Variants in ASXL2 observed in about 807,000 individuals in gnomAD.
The protein encoded by ASXL2 is putative Polycomb group protein ASXL2.
ASXL2 carries 23 observed loss-of-function variants against 122.0 expected under a neutral mutation model. The ratio of observed to expected loss-of-function variants is 0.19; its 90% CI spans 0.14 to 0.27. ASXL2 has a LOEUF of 0.27. Among genes scored for constraint, ASXL2 ranks in the 10% least tolerant of loss-of-function variants. The pLI, the probability that ASXL2 is intolerant of heterozygous loss-of-function variation, is 1.00. For missense variants in ASXL2, 1,518 were observed against 1,713.8 expected (o/e 0.89, Z 2.02); for synonymous variants, 650 against 637.0 (o/e 1.02, Z -0.31).
At chr2:25,777,262 G>GTT (rs964416499) in intron 5 of ASXL2, among the ~76,000 whole-genome samples, 4 of 149,602 alleles carry the variant, frequency 2.7e-5, no homozygotes, top group South Asian at 2.1e-4. Flanking sequence ...TAATTTTTAA[G>GTT]TTTTTTTTTT....
At chr2:25,857,095 G>GT (rs2089789596) in intron 1 of ASXL2, 1 of 114,540 alleles carries the variant, frequency 8.7e-6, no homozygotes, top group African/African-American at 3.3e-5. Flanking sequence ...GGGGGCGGGG[G>GT]GGGGGAGATG....
In ASXL2 at chr2:25,752,210, T is replaced by C. The variant is rs569729609; in HGVS notation, c.1142+1324A>G. Among the ~76,000 whole-genome samples, 13 of 152,254 alleles carry C rather than the reference T, an allele frequency of 8.5e-5. No individual in the cohort carries two copies. The East Asian group carries it at 2.3e-3, about 27-fold the overall frequency. Reference sequence around the variant, plus strand: ...TTACGGGTCTTCTTAAGGGCTGCCATTGGTGTGCAGAAGGAAGGAAGGGAG... The same window carrying C: ...TTACGGGTCTTCTTAAGGGCTGCCACTGGTGTGCAGAAGGAAGGAAGGGAG... On this transcript the variant is annotated intron_variant, in intron 11 of 12. Transcript: ENST00000435504.
intron 3 of ASXL2, among the ~76,000 whole-genome samples, chr2:25,816,628 A>C (rs911909213): frequency 3.9e-5 from 6 of 152,236 alleles, no homozygotes. Context: ...ATGAGGAAGA[A>C]AAAAAGTATT....
chr2:25,789,708 C>T (rs2088803418), intron 5 of ASXL2, among the ~76,000 whole-genome samples: 1 of 152,278 alleles, frequency 6.6e-6, no homozygotes, highest in South Asian at 2.1e-4. Context: ...TTTGAACTTT[C>T]TGAATTTGGG....
At chr2:25,843,046 A>G (rs2089606070) in intron 2 of ASXL2, among the ~76,000 whole-genome samples, 1 of 150,680 alleles carries the variant, frequency 6.6e-6, no homozygotes, top group Non-Finnish European at 1.5e-5. Flanking sequence ...CACGCCTGTA[A>G]TCCCAGCACT....
chr2:25,762,933 T>C (rs1044089932), intron 8 of ASXL2, among the ~76,000 whole-genome samples: 2 of 152,126 alleles, frequency 1.3e-5, no homozygotes, highest in African/African-American at 4.8e-5. Context: ...AGGGGAGCTG[T>C]TATACATTTA....
At chr2:25,776,572 C>T (rs1357707150) in intron 5 of ASXL2, among the ~76,000 whole-genome samples, 1 of 152,102 alleles carries the variant, frequency 6.6e-6, no homozygotes, top group Non-Finnish European at 1.5e-5. Context: ...TGAGGAATTG[C>T]CAAGCTGTTT....
intron 1 of ASXL2, among the ~76,000 whole-genome samples, chr2:25,864,854 G>T (rs1450463030): frequency 6.7e-6 from 1 of 148,772 alleles, no homozygotes; most frequent in East Asian, 2.0e-4. Flanking sequence ...TTTTTGAGAC[G>T]GAGTTTCGCT....
At chr2:25,763,489 TA>T (rs111512688) in intron 8 of ASXL2, among the ~76,000 whole-genome samples, 342 of 138,266 alleles carry the variant, frequency 2.5e-3, no homozygotes, top group Admixed American at 2.7e-3. Flanking sequence ...GACTCCATGT[TA>T]AAAAAAAAAA....
At chr2:25,782,357 CA>C (rs1350623788) in intron 5 of ASXL2, among the ~76,000 whole-genome samples, 1 of 151,760 alleles carries the variant, frequency 6.6e-6, no homozygotes, top group Non-Finnish European at 1.5e-5. Flanking sequence ...CCAGCCAGGC[CA>C]ACATGGTGAA....
intron 1 of ASXL2, among the ~76,000 whole-genome samples, chr2:25,855,021 C>G (rs2089760268): frequency 6.6e-6 from 1 of 152,204 alleles, no homozygotes; most frequent in Non-Finnish European, 1.5e-5. Context: ...TCAGCTCTGG[C>G]AGACAGTGCC....
In ASXL2 at chr2:25,750,257, T is replaced by G. The variant is rs1254323009; in HGVS notation, c.1299A>C (p.Glu433Asp). The change falls in exon 12 of 13, where the codon GAA becomes GAC. Residue 433 changes from glutamate to aspartate, a missense_variant. Physicochemically the swap from Glu to Asp is conservative, Grantham distance 45. Around this residue, in one of 8 missense-constraint regions of ASXL2, gnomAD observed 292 missense variants for 293.5 expected, o/e 1.00. Transcript: ENST00000435504. ...VPVVSQSECK[E>D]EALQMSSPGR... ...CTGGTGATGACATTTGCAATGCTTC[T>G]TCTTTACACTCTGACTGGGAGACTA... 1 of 1,614,046 alleles carries G rather than the reference T, an allele frequency of 6.2e-7. No homozygotes were observed. The highest frequency in any genetic ancestry group is 2.2e-5 in the East Asian group (1 of 44,892).
At chr2:25,840,421 G>A (rs1256185204) in intron 2 of ASXL2, among the ~76,000 whole-genome samples, 1 of 152,126 alleles carries the variant, frequency 6.6e-6, no homozygotes, top group African/African-American at 2.4e-5. Flanking sequence ...TTAATCAGTG[G>A]CATTAAGTAC....
chr2:25,856,317 A>G (rs564513650), intron 1 of ASXL2: 7 of 435,012 alleles, frequency 1.6e-5, no homozygotes, highest in Non-Finnish European at 3.0e-5. Flanking sequence ...TCAGCCTCCC[A>G]AAGTGCTGGG....
At chr2:25,772,458 T>G (rs1208005251) in intron 5 of ASXL2, among the ~76,000 whole-genome samples, 3 of 152,074 alleles carry the variant, frequency 2.0e-5, no homozygotes, top group Non-Finnish European at 4.4e-5. Flanking sequence ...CAAGACCGTG[T>G]GCGGTGGCTC....
At chr2:25,841,510 T>C (rs2089578091) in intron 2 of ASXL2, among the ~76,000 whole-genome samples, 1 of 152,112 alleles carries the variant, frequency 6.6e-6, no homozygotes, top group African/African-American at 2.4e-5. Flanking sequence ...TATGTTTTTT[T>C]ACCACCACAA....
intron 1 of ASXL2, among the ~76,000 whole-genome samples, chr2:25,855,927 T>C (rs2089772097): frequency 7.4e-6 from 1 of 135,664 alleles, no homozygotes; most frequent in Non-Finnish European, 1.6e-5. Context: ...AGAGTCTCGC[T>C]CTGTCGGCCA....
At chr2:25,760,543 A>G (rs1303285236) in intron 8 of ASXL2, among the ~76,000 whole-genome samples, 2 of 152,212 alleles carry the variant, frequency 1.3e-5, no homozygotes, top group Non-Finnish European at 2.9e-5. Context: ...ATCTAACAAT[A>G]TCTAGCAAAA....
At chr2:25,784,214 T>G (rs949237719) in intron 5 of ASXL2, among the ~76,000 whole-genome samples, 1 of 152,008 alleles carries the variant, frequency 6.6e-6, no homozygotes, top group Admixed American at 6.6e-5. Flanking sequence ...ATCACGCCAC[T>G]GCCTCCAGCC....
Sources: gnomAD v4.1 joint callset for allele counts (sites outside exome capture counted in the v4.1 genomes callset) on GRCh38, gnomAD v4.1.1 for gene constraint, gnomAD v4.1.1 regional missense constraint, MANE v1.5 for transcripts, NCBI Gene and HGNC (gene_info 2026-07-23, HGNC 2026-07-21) for gene names.